ANO3: variants seen among roughly 807,000 people sequenced by gnomAD.
The protein encoded by ANO3 is anoctamin 3, also known as anoctamin-3.
ANO3 carries 99 observed loss-of-function variants against 144.8 expected under a neutral mutation model. The ratio of observed to expected loss-of-function variants is 0.68; its 90% confidence interval spans 0.58 to 0.81. The LOEUF (loss-of-function observed/expected upper bound fraction) is 0.81. Ranked by LOEUF, ANO3 falls within the 30% of genes least tolerant of loss-of-function variation. ANO3 has a pLI of 0.00. For missense variants in ANO3, 905 were observed against 1,202.2 expected (o/e 0.75, Z 3.66); for synonymous variants, 414 against 392.6 (o/e 1.05, Z -0.64).
At chr11:26,632,525 A>G (rs1852817582) in intron 18 of ANO3, among the ~76,000 whole-genome samples, 1 of 147,946 alleles carries the variant, frequency 6.8e-6, no homozygotes, top group South Asian at 2.1e-4. Context: ...CAAGAAAAAA[A>G]AAATTTATAT....
chr11:26,280,390 T>G (rs10834946), intron 1 of ANO3, among the ~76,000 whole-genome samples: 27,050 of 151,968 alleles, frequency 0.18, 2,693 homozygotes, highest in African/African-American at 0.28. Context: ...GATCACAAGG[T>G]GAGATCCCAC....
chr11:26,305,173 G>T (rs1854352340), upstream of ANO3, among the ~76,000 whole-genome samples: 1 of 146,528 alleles, frequency 6.8e-6, no homozygotes, highest in Admixed American at 6.8e-5. Flanking sequence ...AAAAAAAAAA[G>T]TAATATTCCA....
At chr11:26,418,785 G>A (rs1024991828) in intron 1 of ANO3, among the ~76,000 whole-genome samples, 2 of 151,752 alleles carry the variant, frequency 1.3e-5, no homozygotes, top group African/African-American at 4.8e-5. Flanking sequence ...AATACTTGGG[G>A]GTACCTTCAC....
intron 1 of ANO3, among the ~76,000 whole-genome samples, chr11:26,231,862 T>G (rs914148029): frequency 1.3e-5 from 2 of 152,146 alleles, no homozygotes; most frequent in Non-Finnish European, 2.9e-5. Context: ...CAAACAGTCC[T>G]TAGTTTAAAG....
Position 26,561,233 on chromosome 11 carries a change from A to T in ANO3, c.1447+1454A>T, listed in dbSNP as rs144242083. ...CATTGTCTAATCGCAGAACTAAAAA[A>T]GTAACAAAATAATACTGTTTCACAG... On this transcript the variant is annotated intron_variant, in intron 14 of 26. Transcript: ENST00000256737. The T allele has an allele frequency of 6.1e-5, 98 of 1,597,558 alleles. No homozygotes were observed. The African/African-American group carries it at 1.2e-3, about 20-fold the overall frequency.
At chr11:26,577,306 G>A (rs1851012316) in intron 14 of ANO3, among the ~76,000 whole-genome samples, 1 of 152,124 alleles carries the variant, frequency 6.6e-6, no homozygotes, top group Admixed American at 6.5e-5. Context: ...GTTCACGCCT[G>A]TAATCCCAGC....
rs138799089 is a variant in ANO3 at position 26,302,376 on chromosome 11, T to C, written c.155-7269T>C. On this transcript the variant is annotated intron_variant, in intron 1 of 27. Coordinates refer to the ANO3 transcript ENST00000672621. The stretch of plus-strand genomic sequence containing the variant: ...TGGGCATGGTGACGCACGCCTGTAA[T>C]GCCAGTTACTCAGGAGGCTGAGGCA... 8.2e-3 allele frequency among the ~76,000 whole-genome samples: 1,244 copies of C among 152,264 alleles called. 11 individuals carry two copies. The highest frequency in any genetic ancestry group is 0.028 in the African/African-American group (1,183 of 41,540).
intron 7 of ANO3, among the ~76,000 whole-genome samples, chr11:26,530,892 A>G (rs1849354811): frequency 6.6e-6 from 1 of 151,876 alleles, no homozygotes; most frequent in Admixed American, 6.6e-5. Flanking sequence ...AACAAAAACA[A>G]AAACAAAAAA....
intron 4 of ANO3, among the ~76,000 whole-genome samples, chr11:26,492,752 A>C (rs1218710014): frequency 6.6e-6 from 1 of 152,230 alleles, no homozygotes; most frequent in Non-Finnish European, 1.5e-5. Context: ...ACAGAAGAAC[A>C]CAAAATCAAT....
chr11:26,428,800 G>T (rs1346448155), intron 1 of ANO3, among the ~76,000 whole-genome samples: 1 of 152,046 alleles, frequency 6.6e-6, no homozygotes, highest in Non-Finnish European at 1.5e-5. Context: ...AAACAACATA[G>T]TAATTTGAAA....
upstream of ANO3, among the ~76,000 whole-genome samples, chr11:26,330,767 C>A (rs1173501168): frequency 6.6e-6 from 1 of 152,158 alleles, no homozygotes; most frequent in African/African-American, 2.4e-5. Context: ...AAGCTATATT[C>A]CCCTCATTCT....
chr11:26,287,560 T>C (rs1471703730), intron 1 of ANO3: 1 of 152,152 alleles, frequency 6.6e-6, no homozygotes, highest in Non-Finnish European at 1.5e-5. Flanking sequence ...CTGTTAATGT[T>C]CATAACAAAA....
intron 6 of ANO3, among the ~76,000 whole-genome samples, chr11:26,523,102 G>T (rs1862150204): frequency 1.3e-5 from 2 of 152,174 alleles, no homozygotes; most frequent in African/African-American, 4.8e-5. Flanking sequence ...CCACAAGGTG[G>T]CAGTAGAGAA....
At chr11:26,229,340 G>A (rs563024009) in intron 1 of ANO3, among the ~76,000 whole-genome samples, 2 of 152,262 alleles carry the variant, frequency 1.3e-5, no homozygotes, top group South Asian at 2.1e-4. Flanking sequence ...GGTATGATGC[G>A]TAGATCTGCC....
chr11:26,490,933 C>T (rs1416287652), intron 4 of ANO3, among the ~76,000 whole-genome samples: 1 of 152,092 alleles, frequency 6.6e-6, no homozygotes, highest in Non-Finnish European at 1.5e-5. Flanking sequence ...ATTCTTTATT[C>T]CTACACCATG....
At chr11:26,566,151 A>G (rs1465331541) in intron 14 of ANO3, among the ~76,000 whole-genome samples, 1 of 151,890 alleles carries the variant, frequency 6.6e-6, no homozygotes, top group Non-Finnish European at 1.5e-5. Flanking sequence ...ACACACTGCT[A>G]TTTCAAAGAC....
chr11:26,632,194 G>GAA (rs112398235), intron 18 of ANO3, among the ~76,000 whole-genome samples: 8 of 133,130 alleles, frequency 6.0e-5, no homozygotes, highest in Admixed American at 1.5e-4. Context: ...TCCATCTCAA[G>GAA]AAAAAAAAAA....
chr11:26,451,155 G>T (rs149926358), intron 3 of ANO3, among the ~76,000 whole-genome samples: 1 of 152,134 alleles, frequency 6.6e-6, no homozygotes, highest in African/African-American at 2.4e-5. Context: ...CAGCCTGAGC[G>T]ACGCAGAAGA....
chr11:26,505,505 T>C (rs1253891193), intron 4 of ANO3, among the ~76,000 whole-genome samples: 3 of 152,046 alleles, frequency 2.0e-5, no homozygotes, highest in South Asian at 2.1e-4. Flanking sequence ...AGGGAGTATA[T>C]AGGGGGAATA....
Sources: allele counts gnomAD v4.1 joint callset (sites outside exome capture counted in the v4.1 genomes callset), GRCh38; gene constraint gnomAD v4.1.1; transcripts MANE v1.5; gene names NCBI Gene and HGNC (gene_info 2026-07-23, HGNC 2026-07-21).